SOHLH2: variants seen among roughly 807,000 people sequenced by gnomAD.
SOHLH2 encodes spermatogenesis- and oogenesis-specific basic helix-loop-helix-containing protein 2.
In SOHLH2, 22 loss-of-function variants were observed where a neutral mutation model predicts 50.4. The observed-to-expected ratio is 0.44, with a 90% CI of 0.31 to 0.62. SOHLH2 has a LOEUF of 0.62. SOHLH2 is among the 20% of genes least tolerant of loss of function. SOHLH2 has a pLI of 0.08. For missense variants in SOHLH2, 412 were observed against 504.4 expected, an observed-to-expected ratio of 0.82 and a Z score of 1.76; for synonymous variants, 185 against 187.3, an observed-to-expected ratio of 0.99 and a Z score of 0.10.
In SOHLH2 at chr13:36,198,484, G is replaced by A. The variant is rs185362679; in HGVS notation, c.263+3395C>T. Among the ~76,000 whole-genome samples the A allele has an allele frequency of 9.4e-4, 143 of 152,262 alleles. 1 individual carries two copies. The highest frequency in any genetic ancestry group is 1.5e-3 in the Non-Finnish European group (104 of 68,006). ...TTATCTTAAAATATGTCACCACTAG[G>A]TAGTGTCTGAGTTCATCTGCTCAAT... is the stretch of plus-strand genomic sequence containing the variant. On this transcript the variant is annotated intron_variant, in intron 2 of 10. Transcript: ENST00000379881.
chr13:36,173,922 C>T, intron 8 of SOHLH2, 112 bp from the exon 9 acceptor site: 2 of 1,214,434 alleles, frequency 1.6e-6, no homozygotes, highest in Non-Finnish European at 2.3e-6. Context: ...GATAAAGCCT[C>T]AACTATGGAT....
intron 1 of SOHLH2, among the ~76,000 whole-genome samples, chr13:36,206,368 C>T (rs1868762178): frequency 6.6e-6 from 1 of 151,984 alleles, no homozygotes; most frequent in Non-Finnish European, 1.5e-5. Flanking sequence ...AGTTCATGTT[C>T]ATTCATTGCT....
At chr13:36,211,234 T>C (rs1468607445) in intron 1 of SOHLH2, among the ~76,000 whole-genome samples, 1 of 152,218 alleles carries the variant, frequency 6.6e-6, no homozygotes, top group Non-Finnish European at 1.5e-5. Flanking sequence ...CCATTAATAA[T>C]TACACTAAAA....
Position 36,168,901 on chromosome 13 carries a change from G to C in SOHLH2, c.*133C>G. ...GAAGCTTTGAGTGCATTTATCAGAAGCCAAACCATGCCAACTCTTTTGATA... is the reference window on the plus strand; with the variant it reads ...GAAGCTTTGAGTGCATTTATCAGAACCCAAACCATGCCAACTCTTTTGATA... On this transcript the variant is annotated 3_prime_UTR_variant, in exon 11 of 11. Coordinates refer to ENST00000379881, the MANE Select transcript of SOHLH2 (RefSeq NM_017826.3). 1 of 1,427,960 alleles carries C rather than the reference G, an allele frequency of 7.0e-7. No individual in the cohort carries two copies. The highest frequency in any genetic ancestry group is 2.8e-5 in the Admixed American group (1 of 36,340). 88.5% of individuals were successfully genotyped at this position (1,427,960 alleles called of 1,614,324 possible).
chr13:36,209,351 T>C (rs1259797152), intron 1 of SOHLH2, among the ~76,000 whole-genome samples: 1 of 151,972 alleles, frequency 6.6e-6, no homozygotes, highest in African/African-American at 2.4e-5. Context: ...TATTCCCTTA[T>C]GTCCTAGTTT....
intron 9 of SOHLH2, among the ~76,000 whole-genome samples, chr13:36,171,273 AT>A (rs1886955680): frequency 6.6e-6 from 1 of 152,240 alleles, no homozygotes; most frequent in Non-Finnish European, 1.5e-5. Context: ...GTAAAATAAT[AT>A]AATGGTATGT....
intron 2 of SOHLH2, among the ~76,000 whole-genome samples, chr13:36,199,740 T>G (rs1458333604): frequency 6.6e-6 from 1 of 152,186 alleles, no homozygotes. Flanking sequence ...CTTCTAGGTT[T>G]TAATATCTGC....
At position 36,193,619 on chromosome 13, in the gene SOHLH2, AC is replaced by A; in HGVS notation, c.430+1del. On this transcript the variant is annotated splice_donor_variant, in intron 4 of 10. Coordinates refer to ENST00000379881, the MANE Select transcript of SOHLH2 (RefSeq NM_017826.3). LOFTEE classifies it high-confidence loss of function. ...TGAAACCTTTGGAAATTTTTTACTC[AC>A]CAGTGTTTGAGGGACATGTTGTCCA... is the stretch of plus-strand genomic sequence containing the variant. 6.3e-7 allele frequency: 1 copy of A among 1,588,868 alleles called. No individual in the cohort carries two copies. Among genetic ancestry groups the A allele is most frequent in the Admixed American group, 1.9e-5 (1 of 52,326 alleles).
At position 36,170,750 on chromosome 13, in the gene SOHLH2, A is replaced by C; in HGVS notation, c.1038T>G (p.Asp346Glu). Reference sequence around the variant, plus strand: ...CACTGGAAATGTGAGTTTTATATGGATCACCAATAGCATTCTCTGAGGCGG... The same window carrying C: ...CACTGGAAATGTGAGTTTTATATGGCTCACCAATAGCATTCTCTGAGGCGG... The part of the protein sequence containing the change: ...SSSASENAIG[D>E]PYKTHISSAA... Residue 346 changes from aspartate (D) to glutamate (E), a missense_variant, in exon 10 of 11, where the codon GAT (aspartate) becomes GAG (glutamate). Transcript: ENST00000379881. 1 of 1,614,184 alleles carries C rather than the reference A, an allele frequency of 6.2e-7. No individual in the cohort carries two copies. Among genetic ancestry groups the C allele is most frequent in the Non-Finnish European group, 8.5e-7 (1 of 1,180,010 alleles).
chr13:36,180,160 T>C (rs2138277378), intron 6 of SOHLH2, among the ~76,000 whole-genome samples: 1 of 152,354 alleles, frequency 6.6e-6, no homozygotes, highest in East Asian at 1.9e-4. Context: ...ATCTAGGTTG[T>C]AGAATCTACT....
At chr13:36,183,501 C>A (rs1269880759) in intron 6 of SOHLH2, among the ~76,000 whole-genome samples, 1 of 151,834 alleles carries the variant, frequency 6.6e-6, no homozygotes, top group Non-Finnish European at 1.5e-5. Context: ...CTAAAGTATA[C>A]CTGATAAATC....
rs1267944793 is a variant in SOHLH2 at position 36,182,136 on chromosome 13, G to C, written c.642-7267C>G. ...AGAAAAAAGTGTCCTTGTACTTTAT[G>C]TCCCTTTGATTGTGGCAGCCAAGAC... On this transcript the variant is annotated intron_variant, in intron 6 of 10. Transcript: ENST00000379881. The C allele has an allele frequency of 3.0e-6, 3 of 985,262 alleles. No individual in the cohort carries two copies. In the African/African-American group the frequency reaches 5.2e-5, roughly 17 times the overall value. The allele number at this position is 985,262 out of a possible 1,614,324, so 61.0% of individuals were successfully genotyped here.
chr13:36,192,013 G>A, intron 4 of SOHLH2, 119 bp from the exon 5 acceptor site: 2 of 1,133,702 alleles, frequency 1.8e-6, no homozygotes, highest in Non-Finnish European at 1.2e-6. Flanking sequence ...ATTTTACAAA[G>A]CAGTATTTTT....
Position 36,194,446 on chromosome 13 carries a change from G to A in SOHLH2, c.264-579C>T, listed in dbSNP as rs1258606246. Among the ~76,000 whole-genome samples, 4 of 152,128 alleles carry A rather than the reference G, an allele frequency of 2.6e-5. No individual in the cohort carries two copies. The South Asian group carries it at 6.2e-4, about 24-fold the overall frequency. ...AGAGGTACCAATTAAAGTATTTATG[G>A]ATGAAATAAAACAGTATTTTAGATT... On this transcript the variant is annotated intron_variant, in intron 2 of 10. Coordinates refer to ENST00000379881, the MANE Select transcript of SOHLH2 (RefSeq NM_017826.3).
At chr13:36,183,959 A>G (rs1887329938) in intron 6 of SOHLH2, among the ~76,000 whole-genome samples, 1 of 152,174 alleles carries the variant, frequency 6.6e-6, no homozygotes, top group Admixed American at 6.5e-5. Context: ...TTAACCCTCA[A>G]AAAATCAGTA....
At chr13:36,187,271 C>T (rs986668633) in intron 6 of SOHLH2, among the ~76,000 whole-genome samples, 2 of 151,980 alleles carry the variant, frequency 1.3e-5, no homozygotes, top group Non-Finnish European at 2.9e-5. Flanking sequence ...GGATTCCCAC[C>T]ATTAGATCTG....
Position 36,174,734 on chromosome 13 carries a change from G to A in SOHLH2, c.777C>T (p.Ala259=), listed in dbSNP as rs766057685. The A allele has an allele frequency of 4.4e-6, 7 of 1,606,592 alleles. No individual in the cohort carries two copies. Among genetic ancestry groups the A allele is most frequent in the South Asian group, 2.2e-5 (2 of 89,154 alleles). ...GGGAGTCAAATACCTGGGCCATAAC[G>A]GCTGGAGAGATTTTCTCCCGGATAT... ...VKYIREKISP[A]VMAQITEALQ... is the part of the protein sequence containing the mutation. The change falls in exon 7 of 11, where the codon GCC becomes GCT. Residue 259 remains alanine, a synonymous_variant. Coordinates refer to ENST00000379881, the MANE Select transcript of SOHLH2 (RefSeq NM_017826.3).
Position 36,201,882 on chromosome 13 carries a change from A to G in SOHLH2, c.260T>C (p.Ile87Thr). Residue 87 changes from isoleucine (I) to threonine (T), a missense_variant, in exon 2 of 11, where the codon ATT (isoleucine) becomes ACT (threonine). Coordinates refer to ENST00000379881, the MANE Select transcript of SOHLH2 (RefSeq NM_017826.3). ...CATCAAGGCTTTTGAAGTTTACCTA[A>G]TTAACTTGATGGCTTCCAGCTCCTC... ...SAEELEAIKL[I>T]RFGKKKNTHS... 6.2e-7 allele frequency: 1 copy of G among 1,614,240 alleles called. No homozygotes were observed. Among genetic ancestry groups the G allele is most frequent in the Non-Finnish European group, 8.5e-7 (1 of 1,180,042 alleles).
At chr13:36,191,266 C>T (rs569876955) in intron 5 of SOHLH2, among the ~76,000 whole-genome samples, 3 of 152,156 alleles carry the variant, frequency 2.0e-5, no homozygotes, top group African/African-American at 7.2e-5. Flanking sequence ...TAAAACTTGC[C>T]TTGTATACCA....
Sources: allele counts gnomAD v4.1 joint callset (sites outside exome capture counted in the v4.1 genomes callset), GRCh38; gene constraint gnomAD v4.1.1; transcripts MANE v1.5; gene names NCBI Gene and HGNC (gene_info 2026-07-23, HGNC 2026-07-21).